The following DKC1 variants were observed in gnomAD, a reference collection of about 807,000 sequenced individuals.
The protein encoded by DKC1 is H/ACA ribonucleoprotein complex subunit DKC1.
A neutral mutation model predicts 46.7 loss-of-function variants in DKC1; 4 were observed. The observed-to-expected ratio is 0.09, with a 90% CI of 0.04 to 0.20. The LOEUF (loss-of-function observed/expected upper bound fraction) is 0.20. Among genes scored for constraint, DKC1 ranks in the 10% least tolerant of loss-of-function variants. The probability of loss-of-function intolerance (pLI) is 1.00; values close to 1 mark genes in which losing one functional copy is unlikely to be tolerated. For missense variants in DKC1, 171 were observed against 404.2 expected (o/e 0.42, Z 4.95); for synonymous variants, 141 against 142.4 (o/e 0.99, Z 0.07).
At position 154,771,187 on chromosome X, in the gene DKC1, GT is replaced by G. The variant is rs35962335; in HGVS notation, c.1036+330del. Among the ~76,000 whole-genome samples, 6,902 of 64,301 alleles carry G rather than the reference GT, an allele frequency of 0.11. 437 individuals are homozygous for G. Among genetic ancestry groups the G allele is most frequent in the African/African-American group, 0.29 (4,483 of 15,420 alleles). The allele number at this position is 64,301 out of a possible 115,157, so 55.8% of individuals were successfully genotyped here. A position where few individuals can be genotyped will look rare whatever the true frequency, so the allele number is the denominator to read the frequency against. On this transcript the variant is annotated intron_variant, in intron 10 of 14. Transcript: ENST00000369550. ...ATTCTTTTGGTTTTTTGGTGGTGGT[GT>G]TTTTTTTTTTTTTTTTTTTTTGAGA...
intron 11 of DKC1, 92 bp from the exon 12 acceptor site, chrX:154,774,510 C>T (rs1379559798): frequency 1.2e-6 from 1 of 811,766 alleles, no homozygotes; most frequent in Non-Finnish European, 1.8e-6. Context: ...TGAGAATACA[C>T]CAGGGAGGAA....
chrX:154,770,330 G>A (rs1282875599), intron 9 of DKC1, among the ~76,000 whole-genome samples: 1 of 109,096 alleles, frequency 9.2e-6, no homozygotes, highest in Admixed American at 9.8e-5. Flanking sequence ...TTAGCTGGGC[G>A]TGGTGGCACG....
chrX:154,768,143 C>G, intron 7 of DKC1, 159 bp from the exon 8 acceptor site: 5 of 710,551 alleles, frequency 7.0e-6, no homozygotes, highest in Non-Finnish European at 1.1e-5. Flanking sequence ...AGCCACCGTG[C>G]CTGGCCAGAA....
chrX:154,768,049 A>C (rs782596215), intron 7 of DKC1: 1 of 344,709 alleles, frequency 2.9e-6, no homozygotes, highest in East Asian at 5.7e-5. Context: ...ACGGGGTTTC[A>C]CCATGTTAGC....
intron 2 of DKC1, 39 bp from the exon 3 acceptor site, chrX:154,765,405 G>C: frequency 9.4e-7 from 1 of 1,067,607 alleles, no homozygotes; most frequent in Non-Finnish European, 1.3e-6. Context: ...TCAAAATCGG[G>C]TGGGAAGTTT....
chrX:154,770,720 C>T (rs782392531), intron 9 of DKC1, 39 bp from the exon 10 acceptor site: 1 of 1,209,039 alleles, frequency 8.3e-7, no homozygotes, highest in Non-Finnish European at 1.1e-6. Context: ...GGGTGGAGGG[C>T]AGCAGCTGGG....
At chrX:154,770,185 T>C (rs74960064) in intron 9 of DKC1, among the ~76,000 whole-genome samples, 3,822 of 111,304 alleles carry the variant, frequency 0.034, 173 homozygotes, top group African/African-American at 0.12. Flanking sequence ...AATGAAAATA[T>C]GGACCACGTG....
At chrX:154,764,844 C>T (rs186546647) in intron 1 of DKC1, 55 bp from the exon 2 acceptor site, 6 of 967,163 alleles carry the variant, frequency 6.2e-6, no homozygotes, top group East Asian at 3.1e-5. Flanking sequence ...TATTTTAAAC[C>T]CTTGTTTCAT....
chrX:154,765,594 A>G (rs2071735051), intron 3 of DKC1, 64 bp downstream of exon 3: 20 of 894,460 alleles, frequency 2.2e-5, no homozygotes, highest in Non-Finnish European at 3.3e-6. Context: ...AGTGTTAAAC[A>G]ATTGATTGAG....
chrX:154,771,300 C>T (rs2071823739), intron 10 of DKC1, among the ~76,000 whole-genome samples: 2 of 104,560 alleles, frequency 1.9e-5, no homozygotes, highest in Non-Finnish European at 3.9e-5. Flanking sequence ...AAGCGATTCT[C>T]GTGCCTCAGC....
rs782576893 is a variant in DKC1, at chrX:154,776,813, C to CAAG, written c.1512_1514dup (p.Lys505dup). 4.3e-3 allele frequency: 5,139 copies of CAAG among 1,194,697 alleles called. 18 individuals are homozygous for CAAG. Among genetic ancestry groups the CAAG allele is most frequent in the Middle Eastern group, 0.038 (161 of 4,281 alleles). ...TTTCTTTCTAGGACAGTGATACCAC[C>CAAG]AAGAAGAAGAAGAAGAAGAAGAAAG... On this transcript the variant is annotated inframe_insertion, in exon 15 of 15. Transcript: ENST00000369550.
chrX:154,764,937 C>A lies in DKC1; in HGVS notation c.55C>A (p.Arg19=). 1 of 1,207,925 alleles carries A rather than the reference C, an allele frequency of 8.3e-7. No homozygotes were observed. Among genetic ancestry groups the A allele is most frequent in the Non-Finnish European group, 1.1e-6 (1 of 892,053 alleles). ...LPKKHKKKKE[R]KSLPEEDVAE... Reference sequence around the variant, plus strand: ...AAAGAAACATAAGAAGAAAAAGGAGCGGAAGTCATTGCCAGAAGAAGATGT... The same window carrying A: ...AAAGAAACATAAGAAGAAAAAGGAGAGGAAGTCATTGCCAGAAGAAGATGT... The change falls in exon 2 of 15, where the codon CGG becomes AGG. Residue 19 remains arginine, a synonymous_variant. Coordinates refer to ENST00000369550, the MANE Select transcript of DKC1 (RefSeq NM_001363.5).
At position 154,776,892 on chromosome X, in the gene DKC1, G is replaced by T; in HGVS notation, c.*25G>T. 8.8e-7 allele frequency: 1 copy of T among 1,134,362 alleles called. No individual in the cohort carries two copies. Among genetic ancestry groups the T allele is most frequent in the Non-Finnish European group, 1.2e-6 (1 of 833,488 alleles). 93.5% of individuals were successfully genotyped at this position (1,134,362 alleles called of 1,213,427 possible). ...GTGAAGGCCACTTGAAGCTGGAGGA[G>T]AAACTAAAGCCTTATTGAGAAAACA... On this transcript the variant is annotated 3_prime_UTR_variant, in exon 15 of 15. Transcript: ENST00000369550.
At chrX:154,766,062 A>C in intron 4 of DKC1, 64 bp downstream of exon 4, 2 of 1,030,543 alleles carry the variant, frequency 1.9e-6, no homozygotes, top group South Asian at 3.8e-5. Context: ...CACATCAGCT[A>C]TTCAGGAAGG....
At chrX:154,776,106 C>T (rs2071891979) in intron 13 of DKC1, 81 bp from the exon 14 acceptor site, 1 of 1,147,628 alleles carries the variant, frequency 8.7e-7, no homozygotes, top group Admixed American at 2.2e-5. Flanking sequence ...TTCTTGGTGC[C>T]TTGCTACCTT....
chrX:154,774,142 G>A (rs868943956), intron 11 of DKC1, among the ~76,000 whole-genome samples: 2 of 112,395 alleles, frequency 1.8e-5, no homozygotes, highest in Admixed American at 1.9e-4. Context: ...CATTACTCAC[G>A]TAATCACACA....
In DKC1 at chrX:154,766,979, T is replaced by C. The variant is rs2071753825; in HGVS notation, c.449-18T>C. The C allele has an allele frequency of 8.3e-7, 1 of 1,206,890 alleles. No homozygotes were observed. Among genetic ancestry groups the C allele is most frequent in the Non-Finnish European group, 1.1e-6 (1 of 892,341 alleles). ...AAACTCAGTGGCCACACCTGACTAC[T>C]CTTTTGTCATTTTTCAGGCAAAGAG... On this transcript the variant is annotated intron_variant, in intron 5 of 14. Transcript: ENST00000369550.
rs1188654409 is a variant in DKC1 at position 154,777,467 on chromosome X, C to G, written c.*600C>G. The G allele has an allele frequency of 8.9e-6, 1 of 112,331 alleles. No individual in the cohort carries two copies. The highest frequency in any genetic ancestry group is 1.9e-5 in the Non-Finnish European group (1 of 53,415). The allele number at this position is 112,331 out of a possible 1,213,427, so 9.3% of individuals were successfully genotyped here. Reference sequence around the variant, plus strand: ...GTGCTCACCTAAATCCATCTGACTACTTGTTCCTGTGCCCTCTTGTTTTAG... The same window carrying G: ...GTGCTCACCTAAATCCATCTGACTAGTTGTTCCTGTGCCCTCTTGTTTTAG... On this transcript the variant is annotated 3_prime_UTR_variant, in exon 15 of 15. Transcript: ENST00000369550.
At chrX:154,763,425 C>G (rs1603429338) in intron 1 of DKC1, among the ~76,000 whole-genome samples, 1 of 112,174 alleles carries the variant, frequency 8.9e-6, no homozygotes, top group African/African-American at 3.2e-5. Flanking sequence ...CAAGAAAGTT[C>G]TAGAGGCCAC....
Sources: gnomAD v4.1 joint callset for allele counts (sites outside exome capture counted in the v4.1 genomes callset) on GRCh38, gnomAD v4.1.1 for gene constraint, MANE v1.5 for transcripts, NCBI Gene and HGNC (gene_info 2026-07-23, HGNC 2026-07-21) for gene names.